PDE6A: variants seen among roughly 807,000 people sequenced by gnomAD.
PDE6A encodes the protein phosphodiesterase 6A, also known as rod cGMP-specific 3',5'-cyclic phosphodiesterase subunit alpha.
Under a neutral mutation model 106.3 loss-of-function variants are expected in PDE6A, and 84 were observed. That is an observed-to-expected ratio of 0.79 (90% CI 0.66 to 0.95). The LOEUF is 0.95. PDE6A is among the 40% of genes least tolerant of loss of function. The pLI, the probability that PDE6A is intolerant of heterozygous loss-of-function variation, is 0.00. For synonymous variants in PDE6A, 394 were observed against 386.6 expected, an observed-to-expected ratio of 1.02 and a Z score of -0.23; for missense variants, 1,052 against 1,084.9, an observed-to-expected ratio of 0.97 and a Z score of 0.43.
At chr5:149,923,445 C>A (rs1753778810) in intron 4 of PDE6A, among the ~76,000 whole-genome samples, 1 of 152,062 alleles carries the variant, frequency 6.6e-6, no homozygotes, top group African/African-American at 2.4e-5. Flanking sequence ...TTGCAGTGAG[C>A]TGAGATTGTG....
chr5:149,904,704 T>G (rs1753118868), intron 7 of PDE6A, among the ~76,000 whole-genome samples: 1 of 152,180 alleles, frequency 6.6e-6, no homozygotes, highest in South Asian at 2.1e-4. Context: ...TGCTCCTTCC[T>G]GTCCAAGGAC....
intron 4 of PDE6A, among the ~76,000 whole-genome samples, chr5:149,929,216 C>T (rs1461141929): frequency 1.3e-5 from 2 of 152,048 alleles, no homozygotes; most frequent in African/African-American, 4.8e-5. Context: ...ACTCAAATGT[C>T]CACCAACAGT....
At chr5:149,941,085 G>A (rs374824009) in intron 1 of PDE6A, among the ~76,000 whole-genome samples, 18 of 152,314 alleles carry the variant, frequency 1.2e-4, no homozygotes, top group African/African-American at 3.8e-4. Context: ...GGGCCCTGCC[G>A]TAATGGGACA....
chr5:149,873,435 G>A (rs1051327263), intron 17 of PDE6A, among the ~76,000 whole-genome samples: 6 of 151,146 alleles, frequency 4.0e-5, no homozygotes, highest in Admixed American at 4.0e-4. Context: ...GAGTTCAAAC[G>A]ATTCTCCTGC....
At chr5:149,923,238 C>T (rs1036457830) in intron 4 of PDE6A, among the ~76,000 whole-genome samples, 3 of 152,094 alleles carry the variant, frequency 2.0e-5, no homozygotes, top group East Asian at 1.9e-4. Flanking sequence ...TGGCTCACAC[C>T]TATAATCCCA....
chr5:149,920,992 A>AAGAGAAAAAGAAAGAAAGAAAG (rs199858582), intron 5 of PDE6A, among the ~76,000 whole-genome samples: 3 of 133,194 alleles, frequency 2.3e-5, no homozygotes, highest in African/African-American at 8.9e-5. Flanking sequence ...GAAAGAAAGA[A>AAGAGAAAAAGAAAGAAAGAAAG]AGAAAAAGAA....
Position 149,883,457 on chromosome 5 carries a change from G to C in PDE6A, c.2107C>G (p.Leu703Val). The C allele has an allele frequency of 1.2e-6, 2 of 1,612,994 alleles. No individual in the cohort carries two copies. The highest frequency in any genetic ancestry group is 1.7e-6 in the Non-Finnish European group (2 of 1,179,008). ...SEQEWTQYMM[L>V]EQTRKEIVMA... ...ACGATTTCCTTCCGTGTCTGCTCCA[G>C]CATCATGTACTGTGTCCACTCCTGT... The change falls in exon 17 of 22, where the codon CTG (leucine) becomes GTG (valine). Residue 703 changes from leucine to valine, a missense_variant. Leu to Val is a conservative substitution (Grantham distance 32). Transcript: ENST00000255266.
intron 5 of PDE6A, among the ~76,000 whole-genome samples, chr5:149,920,982 G>GAGAA (rs1561769442): frequency 6.4e-4 from 86 of 134,014 alleles, no homozygotes; most frequent in African/African-American, 3.1e-3. Flanking sequence ...AAGAAAGAAA[G>GAGAA]AAAGAAAGAA....
chr5:149,872,027 C>CA (rs763837103), intron 17 of PDE6A, among the ~76,000 whole-genome samples: 1 of 152,156 alleles, frequency 6.6e-6, no homozygotes, highest in Non-Finnish European at 1.5e-5. Flanking sequence ...GAGTATGCCA[C>CA]AAAAATATTG....
chr5:149,900,231 A>C (rs1412690456), intron 8 of PDE6A, among the ~76,000 whole-genome samples: 1 of 151,518 alleles, frequency 6.6e-6, no homozygotes, highest in Non-Finnish European at 1.5e-5. Context: ...ATGTGGCGGC[A>C]TGCTCCTGTA....
In PDE6A at chr5:149,898,417, C is replaced by T. The variant is rs1752838654; in HGVS notation, c.1353G>A (p.Gln451=). 1 of 1,612,326 alleles carries T rather than the reference C, an allele frequency of 6.2e-7. No individual in the cohort carries two copies. Among genetic ancestry groups the T allele is most frequent in the Non-Finnish European group, 8.5e-7 (1 of 1,178,438 alleles). The stretch of plus-strand genomic sequence containing the variant: ...ACTTCACATGATATTTTACTATGTC[C>T]TGGAAAATATCCTTCCTATTTTCAA... ...NKLENRKDIF[Q]DIVKYHVKCD... Residue 451 remains glutamine (Q), a synonymous_variant, in exon 10 of 22, where the codon CAG becomes CAA. Transcript: ENST00000255266.
Position 149,934,727 on chromosome 5 carries a change from A to C in PDE6A, c.475-9T>G, listed in dbSNP as rs1754135068. The C allele has an allele frequency of 6.2e-7, 1 of 1,613,432 alleles. No homozygotes were observed. Among genetic ancestry groups the C allele is most frequent in the African/African-American group, 1.3e-5 (1 of 74,928 alleles). On this transcript the variant is annotated splice_polypyrimidine_tract_variant and intron_variant, in intron 1 of 21. Coordinates refer to ENST00000255266, the MANE Select transcript of PDE6A (RefSeq NM_000440.3). ...TCACAGAAATGCTCATCCTAAAGGA[A>C]GGCAGAGATAAGCACGGACAGGCAA...
intron 13 of PDE6A, among the ~76,000 whole-genome samples, chr5:149,887,968 CTGTGTG>C (rs113190336): frequency 6.7e-6 from 1 of 150,274 alleles, no homozygotes; most frequent in Non-Finnish European, 1.5e-5. Flanking sequence ...CGCCCTCTTT[CTGTGTG>C]TGTGTGTGTG....
At chr5:149,940,764 C>T (rs550079639) in intron 1 of PDE6A, among the ~76,000 whole-genome samples, 1 of 152,264 alleles carries the variant, frequency 6.6e-6, no homozygotes, top group East Asian at 1.9e-4. Flanking sequence ...TCCCAAAGCA[C>T]TGGGATTACA....
chr5:149,868,407 T>G (rs142959933), intron 17 of PDE6A, among the ~76,000 whole-genome samples: 391 of 152,340 alleles, frequency 2.6e-3, no homozygotes, highest in African/African-American at 8.8e-3. Context: ...TCCATTTCCC[T>G]GTCTGTAATG....
intron 6 of PDE6A, among the ~76,000 whole-genome samples, chr5:149,911,641 ATTTC>A (rs538922524): frequency 8.5e-4 from 130 of 152,264 alleles, no homozygotes; most frequent in African/African-American, 3.0e-3. Flanking sequence ...AAGGTAATGT[ATTTC>A]TTTCTTAACC....
In PDE6A at chr5:149,928,661, T is replaced by C. The variant is rs1346883208; in HGVS notation, c.858+2367A>G. On this transcript the variant is annotated intron_variant, in intron 4 of 21. Transcript: ENST00000255266. ...ACGATAGAATTTTTCAGCTCCATTA[T>C]AATTCTATGGGACCATGGTATAGGC... 2.6e-5 allele frequency among the ~76,000 whole-genome samples: 4 copies of C among 152,200 alleles called. No individual in the cohort carries two copies. The South Asian group carries it at 6.2e-4, about 24-fold the overall frequency.
At chr5:149,929,188 AATAG>A (rs1753953977) in intron 4 of PDE6A, among the ~76,000 whole-genome samples, 1 of 152,202 alleles carries the variant, frequency 6.6e-6, no homozygotes, top group Non-Finnish European at 1.5e-5. Context: ...CAGTATTAAT[AATAG>A]ATCAGATCTG....
At chr5:149,913,452 A>G (rs1753448391) in intron 6 of PDE6A, among the ~76,000 whole-genome samples, 1 of 152,118 alleles carries the variant, frequency 6.6e-6, no homozygotes, top group African/African-American at 2.4e-5. Context: ...AGGAATAGAG[A>G]TAACCTAGAA....
Sources: allele counts gnomAD v4.1 joint callset (sites outside exome capture counted in the v4.1 genomes callset), GRCh38; gene constraint gnomAD v4.1.1; transcripts MANE v1.5; gene names NCBI Gene and HGNC (gene_info 2026-07-23, HGNC 2026-07-21).